FIG4: variants seen among roughly 807,000 people sequenced by gnomAD.
The protein encoded by FIG4 is polyphosphoinositide phosphatase.
In FIG4, 112 loss-of-function variants were observed where a neutral mutation model predicts 118.6. That is an observed-to-expected ratio of 0.94 (90% confidence interval 0.81 to 1.11). The LOEUF (loss-of-function observed/expected upper bound fraction) is 1.11, where lower values mean the gene tolerates loss of function less well. FIG4 is among the 50% of genes least tolerant of loss of function. FIG4 has a pLI of 0.00. For missense variants in FIG4, 969 were observed against 1,111.7 expected (o/e 0.87, Z 1.83); for synonymous variants, 369 against 381.2 (o/e 0.97, Z 0.37).
intron 22 of FIG4, among the ~76,000 whole-genome samples, chr6:109,801,675 A>G (rs1778432438): frequency 6.6e-6 from 1 of 152,236 alleles, no homozygotes; most frequent in African/African-American, 2.4e-5. Context: ...GTGGGCTTCT[A>G]CCAGGGGAAG....
At chr6:109,753,879 C>A (rs1776793993) in intron 10 of FIG4, among the ~76,000 whole-genome samples, 1 of 152,220 alleles carries the variant, frequency 6.6e-6, no homozygotes. Flanking sequence ...ATCATGTCAT[C>A]TGCAAACAGG....
In FIG4 at chr6:109,735,242, G is replaced by A. The variant is rs543462663; in HGVS notation, c.590G>A (p.Arg197His). 17 of 1,613,494 alleles carry A rather than the reference G, an allele frequency of 1.1e-5. No homozygotes were observed. The Admixed American group carries it at 2.2e-4, about 21-fold the overall frequency. Residue 197 changes from arginine to histidine, a missense_variant, in exon 6 of 23, where the codon CGC becomes CAC. Transcript: ENST00000230124. The part of the protein sequence containing the change: ...EMLKSEMTQN[R>H]QESFDIFEDE... Reference sequence around the variant, plus strand: ...TTAAAGTCAGAAATGACCCAGAATCGCCAAGAGAGCTTTGACATCTTTGAA... The same window carrying A: ...TTAAAGTCAGAAATGACCCAGAATCACCAAGAGAGCTTTGACATCTTTGAA...
chr6:109,700,240 C>T (rs1774865960), intron 1 of FIG4, among the ~76,000 whole-genome samples: 1 of 152,048 alleles, frequency 6.6e-6, no homozygotes, highest in Non-Finnish European at 1.5e-5. Flanking sequence ...ACATTTAAAA[C>T]TATCAATGTA....
At chr6:109,711,588 C>A (rs1388689370) in intron 1 of FIG4, among the ~76,000 whole-genome samples, 5 of 151,384 alleles carry the variant, frequency 3.3e-5, no homozygotes, top group African/African-American at 1.2e-4. Context: ...GAATTGCAAC[C>A]CCTGCTTTTT....
chr6:109,765,970 C>T (rs1325429709), intron 14 of FIG4, among the ~76,000 whole-genome samples: 1 of 152,144 alleles, frequency 6.6e-6, no homozygotes, highest in African/African-American at 2.4e-5. Context: ...AAGTACATAT[C>T]TAAGAAAGAA....
chr6:109,724,814 T>C (rs1775744415), intron 3 of FIG4, among the ~76,000 whole-genome samples: 1 of 150,946 alleles, frequency 6.6e-6, no homozygotes, highest in African/African-American at 2.4e-5. Flanking sequence ...TGTGTGTGTG[T>C]GTGTGTGTGT....
rs1472202207 is a variant in FIG4, at chr6:109,781,832, T to A, written c.1890-3138T>A. Among the ~76,000 whole-genome samples the A allele has an allele frequency of 2.1e-5, 3 of 145,950 alleles. No homozygotes were observed. In the Admixed American group the frequency reaches 2.1e-4, roughly 10 times the overall value. On this transcript the variant is annotated intron_variant, in intron 16 of 22. Coordinates refer to ENST00000230124, the MANE Select transcript of FIG4 (RefSeq NM_014845.6). ...CAAGTACTTGATGAAAAATGTTGAG[T>A]ACAGTAGGGTAAATGGCAGAACCCA...
In FIG4 at chr6:109,735,154, A is replaced by G; in HGVS notation, c.502A>G (p.Ser168Gly). ...DLSSNFYFSY[S>G]YDLSHSLQYN... ...AAGTTTCAATTCTGTTCTCAGTTAC[A>G]GCTATGATTTGTCCCACTCACTTCA... The change falls in exon 6 of 23, where the codon AGC (serine) becomes GGC (glycine). Residue 168 changes from serine to glycine, a missense_variant. Physicochemically the swap from Ser to Gly is moderately conservative, Grantham distance 56. Transcript: ENST00000230124. 4 of 1,612,302 alleles carry G rather than the reference A, an allele frequency of 2.5e-6. No individual in the cohort carries two copies. Among genetic ancestry groups the G allele is most frequent in the Non-Finnish European group, 3.4e-6 (4 of 1,178,632 alleles).
chr6:109,768,025 C>G (rs1040194296), intron 15 of FIG4, among the ~76,000 whole-genome samples: 7 of 152,194 alleles, frequency 4.6e-5, no homozygotes, highest in Non-Finnish European at 7.3e-5. Flanking sequence ...TGGACTGTTG[C>G]ACAGCAGATC....
At chr6:109,744,798 A>AC (rs1317067791) in intron 10 of FIG4, among the ~76,000 whole-genome samples, 1 of 100,380 alleles carries the variant, frequency 1.0e-5, no homozygotes, top group Non-Finnish European at 2.1e-5. Context: ...CTATCCCCCC[A>AC]CCCCCCAACA....
Position 109,735,265 on chromosome 6 carries a change from G to C in FIG4, c.613G>C (p.Glu205Gln), listed in dbSNP as rs760525401. The C allele has an allele frequency of 6.2e-7, 1 of 1,613,540 alleles. No homozygotes were observed. The highest frequency in any genetic ancestry group is 1.1e-5 in the South Asian group (1 of 91,080). Residue 205 changes from glutamate to glutamine, a missense_variant, in exon 6 of 23, where the codon GAA becomes CAA. Physicochemically the swap from Glu to Gln is conservative, Grantham distance 29. This residue lies in a region of FIG4 where 393 missense variants were observed against 409.4 expected (regional missense o/e 0.96). Coordinates refer to ENST00000230124, the MANE Select transcript of FIG4 (RefSeq NM_014845.6). Reference sequence around the variant, plus strand: ...TCGCCAAGAGAGCTTTGACATCTTTGAAGATGAAGGATTAATTACACAAGG... The same window carrying C: ...TCGCCAAGAGAGCTTTGACATCTTTCAAGATGAAGGATTAATTACACAAGG... ...QNRQESFDIF[E>Q]DEGLITQGGS...
intron 4 of FIG4, among the ~76,000 whole-genome samples, chr6:109,730,011 G>T (rs1254963704): frequency 6.6e-6 from 1 of 151,788 alleles, no homozygotes; most frequent in Non-Finnish European, 1.5e-5. Flanking sequence ...GATGAGTCTT[G>T]ATATCTTGAA....
rs570833728 is a variant in FIG4, at chr6:109,824,817, C to T, written c.2547-271C>T. On this transcript the variant is annotated intron_variant, in intron 22 of 22. Coordinates refer to ENST00000230124, the MANE Select transcript of FIG4 (RefSeq NM_014845.6). ...TGAGGGAGACAGATGGGTGTGCAGA[C>T]GTGGGTGTACACAGAGATGTGGAAA... Among the ~76,000 whole-genome samples the T allele has an allele frequency of 1.9e-4, 29 of 152,222 alleles. No individual in the cohort carries two copies. The South Asian group carries it at 4.6e-3, about 24-fold the overall frequency.
At chr6:109,793,535 C>A (rs1778196399) in intron 21 of FIG4, among the ~76,000 whole-genome samples, 2 of 152,150 alleles carry the variant, frequency 1.3e-5, no homozygotes, top group African/African-American at 4.8e-5. Context: ...TCCCCACGAA[C>A]CTGATGAGAA....
In FIG4 at chr6:109,760,185, A is replaced by C. The variant is rs540701457; in HGVS notation, c.1138-65A>C. The C allele has an allele frequency of 3.4e-4, 475 of 1,407,964 alleles. 3 individuals are homozygous for C. In the South Asian group the frequency reaches 5.2e-3, roughly 15 times the overall value. 87.2% of individuals were successfully genotyped at this position (1,407,964 alleles called of 1,614,324 possible). On this transcript the variant is annotated intron_variant, in intron 10 of 22. Coordinates refer to ENST00000230124, the MANE Select transcript of FIG4 (RefSeq NM_014845.6). ...GTCTTAGCTTAGCTTAAAAGTAAAC[A>C]TGTTGAGCCTGTTCCTCTGATTTAA...
chr6:109,753,196 C>G (rs1303739470), intron 10 of FIG4, among the ~76,000 whole-genome samples: 1 of 152,064 alleles, frequency 6.6e-6, no homozygotes, highest in East Asian at 1.9e-4. Flanking sequence ...CAGGCCCGAC[C>G]CTGCTTAGCT....
chr6:109,708,008 C>G (rs551989020), intron 1 of FIG4, among the ~76,000 whole-genome samples: 68 of 108,516 alleles, frequency 6.3e-4, no homozygotes, highest in Middle Eastern at 5.5e-3. Context: ...TTTTTTTTTA[C>G]TTTTAAGTTT....
At chr6:109,752,620 G>A (rs1249328569) in intron 10 of FIG4, among the ~76,000 whole-genome samples, 1 of 152,076 alleles carries the variant, frequency 6.6e-6, no homozygotes, top group African/African-American at 2.4e-5. Context: ...TGTGTCTGTT[G>A]GCTGCATAAA....
At chr6:109,700,232 A>G (rs1259072705) in intron 1 of FIG4, among the ~76,000 whole-genome samples, 1 of 152,244 alleles carries the variant, frequency 6.6e-6, no homozygotes, top group Non-Finnish European at 1.5e-5. Context: ...AATATAAAAC[A>G]TTTAAAACTA....
Sources: gnomAD v4.1 joint callset for allele counts (sites outside exome capture counted in the v4.1 genomes callset) on GRCh38, gnomAD v4.1.1 for gene constraint, gnomAD v4.1.1 regional missense constraint, MANE v1.5 for transcripts, NCBI Gene and HGNC (gene_info 2026-07-23, HGNC 2026-07-21) for gene names.